UTS2B: variants seen among roughly 807,000 people sequenced by gnomAD.
UTS2B encodes urotensin-2B.
A neutral mutation model predicts 19.2 loss-of-function variants in UTS2B; 21 were observed. The ratio of observed to expected loss-of-function variants is 1.09; its 90% CI spans 0.78 to 1.58. The LOEUF is 1.58. UTS2B is among the 40% of genes most tolerant of loss of function. UTS2B has a pLI of 0.00. For missense variants in UTS2B, 138 were observed against 130.3 expected, an observed-to-expected ratio of 1.06 and a Z score of -0.29; for synonymous variants, 57 against 50.2, an observed-to-expected ratio of 1.14 and a Z score of -0.58.
At chr3:191,276,486 C>T (rs77925048) in intron 7 of UTS2B, among the ~76,000 whole-genome samples, 3,643 of 152,284 alleles carry the variant, frequency 0.024, 110 homozygotes, top group East Asian at 0.13. Flanking sequence ...TATTTACAGC[C>T]TCCCATTCTA....
At chr3:191,282,039 G>A in intron 5 of UTS2B, 48 bp downstream of exon 5, 1 of 1,310,778 alleles carries the variant, frequency 7.6e-7, no homozygotes, top group Non-Finnish European at 1.1e-6. Flanking sequence ...AATAGAAATA[G>A]AAGAATTACT....
At chr3:191,322,257 C>A (rs1717631915) in intron 2 of UTS2B, among the ~76,000 whole-genome samples, 1 of 152,136 alleles carries the variant, frequency 6.6e-6, no homozygotes, top group Non-Finnish European at 1.5e-5. Context: ...GTTGAGCATT[C>A]ATTGACTTAG....
At chr3:191,331,512 CTT>C (rs1388740003), upstream of UTS2B, among the ~76,000 whole-genome samples, 2 of 152,142 alleles carry the variant, frequency 1.3e-5, no homozygotes, top group Non-Finnish European at 2.9e-5. Context: ...TTGGCAATCT[CTT>C]TTATGTAATC....
intron 3 of UTS2B, among the ~76,000 whole-genome samples, chr3:191,312,062 G>T (rs1306235605): frequency 6.6e-6 from 1 of 151,112 alleles, no homozygotes; most frequent in Non-Finnish European, 1.5e-5. Flanking sequence ...TTAGGCAACA[G>T]AATCACTTGA....
chr3:191,297,121 T>A (rs1023111630), intron 4 of UTS2B, among the ~76,000 whole-genome samples: 1 of 152,208 alleles, frequency 6.6e-6, no homozygotes, highest in Admixed American at 6.5e-5. Context: ...CCTTTTCTCC[T>A]TGTGTGTGTC....
At chr3:191,332,772 A>G (rs1367209927), upstream of UTS2B, among the ~76,000 whole-genome samples, 1 of 152,212 alleles carries the variant, frequency 6.6e-6, no homozygotes, top group Non-Finnish European at 1.5e-5. Context: ...CTGAACCAGC[A>G]ATCAAGACTC....
chr3:191,301,447 C>A (rs1576926200), intron 4 of UTS2B, among the ~76,000 whole-genome samples: 1 of 148,784 alleles, frequency 6.7e-6, no homozygotes, highest in Non-Finnish European at 1.5e-5. Context: ...AGATACTGAA[C>A]AATTGGTATT....
chr3:191,319,683 C>G (rs1022468340), intron 2 of UTS2B, among the ~76,000 whole-genome samples: 1 of 147,566 alleles, frequency 6.8e-6, no homozygotes, highest in Non-Finnish European at 1.5e-5. Context: ...CGTGGTGAAA[C>G]CCTGTCTCTG....
chr3:191,310,133 T>C (rs964602172), intron 3 of UTS2B, among the ~76,000 whole-genome samples: 3 of 152,018 alleles, frequency 2.0e-5, no homozygotes, highest in Non-Finnish European at 4.4e-5. Context: ...TGGCTATTTT[T>C]TTTTGTATTT....
intron 4 of UTS2B, among the ~76,000 whole-genome samples, chr3:191,294,347 C>G (rs1267459476): frequency 6.6e-6 from 1 of 151,704 alleles, no homozygotes; most frequent in East Asian, 1.9e-4. Flanking sequence ...ACTCCAGGGT[C>G]TATTAGAAGA....
At chr3:191,315,938 A>G (rs1328850210) in intron 3 of UTS2B, 98 bp downstream of exon 3, 1 of 152,234 alleles carries the variant, frequency 6.6e-6, no homozygotes, top group African/African-American at 2.4e-5. Flanking sequence ...CTATTGCTGC[A>G]TAATACAGCA....
chr3:191,311,984 C>CA (rs201102912), intron 3 of UTS2B, among the ~76,000 whole-genome samples: 2,095 of 140,952 alleles, frequency 0.015, 30 homozygotes, highest in African/African-American at 0.039. Context: ...ACTAAAAATA[C>CA]AAAAAAAAAG....
At chr3:191,323,534 G>A (rs143400642) in intron 2 of UTS2B, among the ~76,000 whole-genome samples, 49 of 152,284 alleles carry the variant, frequency 3.2e-4, no homozygotes, top group African/African-American at 1.2e-3. Flanking sequence ...GACCTTGTAG[G>A]TATAAGGGAA....
chr3:191,334,753 AT>A (rs1718088929), upstream of UTS2B, among the ~76,000 whole-genome samples: 1 of 151,908 alleles, frequency 6.6e-6, no homozygotes, highest in African/African-American at 2.4e-5. Context: ...CGAAAGATTC[AT>A]TTCTGATGTG....
chr3:191,271,505 GTGTTT>G (rs910588371), intron 8 of UTS2B, among the ~76,000 whole-genome samples: 1 of 152,116 alleles, frequency 6.6e-6, no homozygotes, highest in Non-Finnish European at 1.5e-5. Context: ...TGAACCCCTG[GTGTTT>G]TGGTAACAAT....
chr3:191,317,818 A>T lies in UTS2B; in HGVS notation c.-585-1379T>A, dbSNP rs577112591. Among the ~76,000 whole-genome samples the T allele has an allele frequency of 3.0e-4, 45 of 152,252 alleles. No homozygotes were observed. In the East Asian group the frequency reaches 5.2e-3, roughly 18 times the overall value. ...TGGTCTCGAACTCCTGACCTCAGGC[A>T]ATCTGCTCAGCTCACCTTCCCAAAG... is the stretch of plus-strand genomic sequence containing the variant. On this transcript the variant is annotated intron_variant, in intron 2 of 8. Coordinates refer to ENST00000340524, the MANE Select transcript of UTS2B (RefSeq NM_198152.5).
At chr3:191,345,745 A>G in the UTS2B span, among the ~76,000 whole-genome samples, 2,195 of 152,216 alleles carry the variant, frequency 0.014, 36 homozygotes, top group Admixed American at 0.021. Flanking sequence ...ATTAGAAAAA[A>G]AAATAACTCA....
At position 191,287,479 on chromosome 3, in the gene UTS2B, T is replaced by C. The variant is rs549622179; in HGVS notation, c.-124-5166A>G. 2.0e-5 allele frequency among the ~76,000 whole-genome samples: 3 copies of C among 152,168 alleles called. No individual in the cohort carries two copies. The East Asian group carries it at 5.8e-4, about 29-fold the overall frequency. On this transcript the variant is annotated intron_variant, in intron 4 of 8. Transcript: ENST00000340524. ...AAATGAATAAATGTGATCCACCGAATTAATCGAACGAAGAACAAAACTATA... is the reference window on the plus strand; with the variant it reads ...AAATGAATAAATGTGATCCACCGAACTAATCGAACGAAGAACAAAACTATA...
At chr3:191,329,443 C>T (rs1187702460) in intron 1 of UTS2B, 1 of 460,032 alleles carries the variant, frequency 2.2e-6, no homozygotes, top group Non-Finnish European at 3.8e-6. Context: ...GGACGCGGAG[C>T]AGGTGGCCGC....
Sources: gnomAD v4.1 joint callset for allele counts (sites outside exome capture counted in the v4.1 genomes callset) on GRCh38, gnomAD v4.1.1 for gene constraint, MANE v1.5 for transcripts, NCBI Gene and HGNC (gene_info 2026-07-23, HGNC 2026-07-21) for gene names.